POLR2F: variants seen among roughly 807,000 people sequenced by gnomAD.
POLR2F encodes the protein RNA polymerase II, I and III subunit F, also known as DNA-directed RNA polymerases I, II, and III subunit RPABC2.
POLR2F carries 12 observed loss-of-function variants against 22.7 expected under a neutral mutation model. That is an observed-to-expected ratio of 0.53 (90% CI 0.34 to 0.86). The LOEUF is 0.86. Ranked by LOEUF, POLR2F falls within the 40% of genes least tolerant of loss-of-function variation. The probability of loss-of-function intolerance (pLI) is 0.02; values close to 1 mark genes in which losing one functional copy is unlikely to be tolerated. For synonymous variants in POLR2F, 57 were observed against 66.0 expected (o/e 0.86, Z 0.66); for missense variants, 126 against 171.5 (o/e 0.73, Z 1.48).
chr22:37,973,567 G>T (rs774705561), downstream of POLR2F: 9 of 1,612,802 alleles, frequency 5.6e-6, no homozygotes, highest in Non-Finnish European at 6.8e-6. Context: ...GCCCTGAGGG[G>T]CTGGGGTCAG....
upstream of POLR2F, chr22:37,985,990 A>G: frequency 1.7e-6 from 2 of 1,167,026 alleles, no homozygotes; most frequent in East Asian, 5.7e-5. Context: ...GTTTTCCTCG[A>G]CGCCACCCCC....
chr22:37,999,585 C>T (rs1293211258), intron 1 of POLR2F, among the ~76,000 whole-genome samples: 1 of 152,120 alleles, frequency 6.6e-6, no homozygotes, highest in Non-Finnish European at 1.5e-5. Context: ...TCCTGACACC[C>T]CTTCCCCTCC....
intron 5 of POLR2F, among the ~76,000 whole-genome samples, chr22:38,039,219 G>A (rs1443916233): frequency 6.6e-6 from 1 of 152,218 alleles, no homozygotes; most frequent in Non-Finnish European, 1.5e-5. Context: ...AGATGGGGCT[G>A]TCTCCCGAGA....
At chr22:38,014,844 G>T (rs1400802090) in intron 1 of POLR2F, among the ~76,000 whole-genome samples, 4 of 118,510 alleles carry the variant, frequency 3.4e-5, no homozygotes, top group African/African-American at 6.7e-5. Flanking sequence ...GTCTTGCTCT[G>T]TCGCCCAGGC....
chr22:38,034,025 C>T, intron 5 of POLR2F: 2 of 166,196 alleles, frequency 1.2e-5, no homozygotes. Flanking sequence ...GTGGCTGGGG[C>T]CGAACCCGGA....
At chr22:38,030,219 T>A (rs568967072), downstream of POLR2F, among the ~76,000 whole-genome samples, 1 of 152,088 alleles carries the variant, frequency 6.6e-6, no homozygotes, top group African/African-American at 2.4e-5. Context: ...TCCCCGAAGA[T>A]CCCCAGATAG....
In POLR2F at chr22:37,959,414, C is replaced by T. The variant is rs1260351409; in HGVS notation, c.159C>T (p.Thr53=). The change falls in exon 3 of 5, where the codon ACC becomes ACT. Residue 53 remains threonine, a synonymous_variant. Transcript: ENST00000442738. ...ERPQANQKRI[T]TPYMTKYERA... is the part of the protein sequence containing the mutation. Reference sequence around the variant, plus strand: ...CGCAGGCCAACCAGAAGCGAATCACCACACCATACATGACCAAGTACGAGC... The same window carrying T: ...CGCAGGCCAACCAGAAGCGAATCACTACACCATACATGACCAAGTACGAGC... The T allele has an allele frequency of 6.2e-7, 1 of 1,614,140 alleles. No individual in the cohort carries two copies. The highest frequency in any genetic ancestry group is 1.3e-5 in the African/African-American group (1 of 75,036).
intron 1 of POLR2F, among the ~76,000 whole-genome samples, chr22:38,001,394 G>T (rs1241911571): frequency 2.0e-5 from 3 of 152,190 alleles, no homozygotes; most frequent in African/African-American, 7.2e-5. Flanking sequence ...AATGTGAGTT[G>T]CATCATATTA....
intron 3 of POLR2F, among the ~76,000 whole-genome samples, chr22:37,964,660 C>T (rs1361291414): frequency 6.6e-6 from 1 of 151,398 alleles, no homozygotes; most frequent in African/African-American, 2.4e-5. Context: ...CAACCTCTGC[C>T]TCCTGGGTTC....
intron 1 of POLR2F, among the ~76,000 whole-genome samples, chr22:38,010,345 A>G (rs2145808864): frequency 6.6e-6 from 1 of 152,054 alleles, no homozygotes; most frequent in Admixed American, 6.5e-5. Context: ...ACTGCACTCC[A>G]GCCTGGGCAA....
chr22:37,983,616 C>T (rs377075961), upstream of POLR2F: 46 of 1,606,072 alleles, frequency 2.9e-5, no homozygotes, highest in Non-Finnish European at 3.7e-5. The surrounding 1 kb of genome is among the most constrained non-coding windows in gnomAD (Gnocchi z 9.5). Context: ...TCCTGCTGCT[C>T]CTTCTTGACC....
chr22:37,967,408 C>T (rs1931898944), intron 4 of POLR2F: 2 of 1,435,728 alleles, frequency 1.4e-6, no homozygotes, highest in East Asian at 2.5e-5. Context: ...GTTCCTGCTG[C>T]AGGAGGCCTT....
downstream of POLR2F, among the ~76,000 whole-genome samples, chr22:38,030,181 A>G (rs910606573): frequency 4.6e-5 from 7 of 152,240 alleles, no homozygotes; most frequent in Admixed American, 3.3e-4. Flanking sequence ...CAAGTGGGAG[A>G]TATCAATGGA....
intron 2 of POLR2F, among the ~76,000 whole-genome samples, chr22:37,957,412 G>A (rs546818780): frequency 6.6e-6 from 1 of 152,168 alleles, no homozygotes; most frequent in Non-Finnish European, 1.5e-5. Context: ...GAGTTATTTC[G>A]GTGGGTTGGT....
upstream of POLR2F, chr22:37,983,658 G>T (rs1555939523): frequency 1.3e-6 from 2 of 1,590,728 alleles, no homozygotes; most frequent in Non-Finnish European, 1.7e-6. This position sits in a 1 kb window ranked among gnomAD's most constrained non-coding sequence, Gnocchi z 9.5. Context: ...GGGCTGGCTC[G>T]CAGGCCCGAT....
chr22:37,960,434 A>G lies in POLR2F; in HGVS notation c.221+958A>G, dbSNP rs970655630. 6.0e-5 allele frequency among the ~76,000 whole-genome samples: 9 copies of G among 151,164 alleles called. No homozygotes were observed. In the South Asian group the frequency reaches 6.3e-4, roughly 11 times the overall value. ...TTTCTTTGAGATGGAGTCTCGCTCT[A>G]TCACCCAGCCTGGAGTGCAGTGGCG... On this transcript the variant is annotated intron_variant, in intron 3 of 4. Coordinates refer to ENST00000442738, the MANE Select transcript of POLR2F (RefSeq NM_021974.5).
intron 1 of POLR2F, among the ~76,000 whole-genome samples, chr22:38,023,099 T>G: frequency 6.6e-6 from 1 of 152,250 alleles, no homozygotes; most frequent in Admixed American, 6.5e-5. Context: ...TTATTTTGTG[T>G]TCCCCTTGGG....
At chr22:38,014,806 ATT>A (rs71737468) in intron 1 of POLR2F, among the ~76,000 whole-genome samples, 5,548 of 96,894 alleles carry the variant, frequency 0.057, 136 homozygotes, top group Non-Finnish European at 0.078. Context: ...GTATTTTTGT[ATT>A]TTTTTTTTTT....
At chr22:37,991,218 C>G (rs1248494439) in intron 1 of POLR2F, among the ~76,000 whole-genome samples, 1 of 151,880 alleles carries the variant, frequency 6.6e-6, no homozygotes, top group Non-Finnish European at 1.5e-5. Flanking sequence ...ACCTCCTGTG[C>G]AATTCTCCTC....
Sources: allele counts gnomAD v4.1 joint callset (sites outside exome capture counted in the v4.1 genomes callset), GRCh38; gene constraint gnomAD v4.1.1; non-coding constraint Gnocchi (gnomAD v3.1); transcripts MANE v1.5; gene names NCBI Gene and HGNC (gene_info 2026-07-23, HGNC 2026-07-21).